The following LMO4 variants were observed in gnomAD, a reference collection of about 807,000 sequenced individuals.
LMO4 encodes the protein LIM domain only 4.
Under a neutral mutation model 18.5 loss-of-function variants are expected in LMO4, and 3 were observed. The observed-to-expected ratio is 0.16, with a 90% CI of 0.07 to 0.42. The LOEUF is 0.42. Ranked by LOEUF, LMO4 falls within the 10% of genes least tolerant of loss-of-function variation. The pLI, the probability that LMO4 is intolerant of heterozygous loss-of-function variation, is 0.99. For missense variants in LMO4, 121 were observed against 219.9 expected (o/e 0.55, Z 2.84); for synonymous variants, 100 against 88.1 (o/e 1.14, Z -0.76).
At chr1:87,344,427 G>A (rs1433318059) in intron 4 of LMO4, among the ~76,000 whole-genome samples, 1 of 152,190 alleles carries the variant, frequency 6.6e-6, no homozygotes, top group Non-Finnish European at 1.5e-5. Context: ...ACTTGTCTTG[G>A]AATGTCCCCG....
At chr1:87,336,295 C>G (rs1650311296) in intron 2 of LMO4, among the ~76,000 whole-genome samples, 1 of 152,166 alleles carries the variant, frequency 6.6e-6, no homozygotes, top group South Asian at 2.1e-4. Flanking sequence ...TATTTACTTG[C>G]AGGTACAAAT....
intron 1 of LMO4, among the ~76,000 whole-genome samples, chr1:87,330,847 C>T (rs1466100604): frequency 6.6e-6 from 1 of 152,160 alleles, no homozygotes; most frequent in Non-Finnish European, 1.5e-5. Context: ...AACACTAGGA[C>T]TTTATTGGAC....
intron 4 of LMO4, among the ~76,000 whole-genome samples, chr1:87,342,452 G>A (rs1035604151): frequency 6.6e-6 from 1 of 152,064 alleles, no homozygotes; most frequent in Non-Finnish European, 1.5e-5. Flanking sequence ...CAGTGGTAGG[G>A]TATTCATTTT....
At chr1:87,329,937 A>G (rs922278281) in intron 1 of LMO4, among the ~76,000 whole-genome samples, 4 of 151,692 alleles carry the variant, frequency 2.6e-5, no homozygotes, top group South Asian at 2.1e-4. Flanking sequence ...TTCACTGACT[A>G]TCCCAGGACC....
At chr1:87,333,148 T>G (rs1048731375) in intron 2 of LMO4, among the ~76,000 whole-genome samples, 1 of 152,232 alleles carries the variant, frequency 6.6e-6, no homozygotes, top group African/African-American at 2.4e-5. Flanking sequence ...GGAGGTCAGG[T>G]GCCTATAGGA....
chr1:87,336,674 G>C (rs1260958777), intron 2 of LMO4, among the ~76,000 whole-genome samples: 1 of 152,162 alleles, frequency 6.6e-6, no homozygotes, highest in Non-Finnish European at 1.5e-5. Flanking sequence ...TGATGTTTGT[G>C]ATTGATTGCA....
rs1650703485 is a variant in LMO4, at chr1:87,348,645, G to C, written c.*3849G>C. The stretch of plus-strand genomic sequence containing the variant: ...TCTGCTCCCATCGTGAACATGCTGA[G>C]AGCAATGACAAGTCAGGGCTGATTT... On this transcript the variant is annotated 3_prime_UTR_variant, in exon 5 of 5. Transcript: ENST00000370544. 2.1e-6 allele frequency: 1 copy of C among 469,140 alleles called. No individual in the cohort carries two copies. The highest frequency in any genetic ancestry group is 4.3e-6 in the Non-Finnish European group (1 of 233,420). The allele number at this position is 469,140 out of a possible 1,614,324, so 29.1% of individuals were successfully genotyped here.
chr1:87,337,831 CA>C (rs1206647119), intron 2 of LMO4, among the ~76,000 whole-genome samples: 4 of 152,142 alleles, frequency 2.6e-5, no homozygotes, highest in African/African-American at 9.7e-5. Flanking sequence ...CTGAAGTGTC[CA>C]GCATTAGGAG....
Position 87,340,131 on chromosome 1 carries a change from G to C in LMO4, c.418G>C (p.Asp140His), listed in dbSNP as rs1202208225. Residue 140 changes from aspartate to histidine, a missense_variant, in exon 4 of 5, where the codon GAT (aspartate) becomes CAT (histidine). Physicochemically the swap from Asp to His is moderately conservative, Grantham distance 81. Transcript: ENST00000370544. Reference sequence around the variant, plus strand: ...CAATGGCAGTTTATTTTGTGAACATGATAGACCTACAGCTCTCATCAATGG... The same window carrying C: ...CAATGGCAGTTTATTTTGTGAACATCATAGACCTACAGCTCTCATCAATGG... ...YINGSLFCEH[D>H]RPTALINGHL... 1 of 1,614,002 alleles carries C rather than the reference G, an allele frequency of 6.2e-7. No individual in the cohort carries two copies.
At position 87,332,045 on chromosome 1, in the gene LMO4, G is replaced by C; in HGVS notation, c.30G>C (p.Pro10=). The change falls in exon 2 of 5, where the codon CCG becomes CCC. Residue 10 remains proline (P), a synonymous_variant. Transcript: ENST00000370544. ...TGAATCCGGGCAGCAGCTCGCAGCC[G>C]CCCCCGGTGACGGCCGGCTCCCTCT... is the stretch of plus-strand genomic sequence containing the variant. MVNPGSSSQ[P]PPVTAGSLSW... The C allele has an allele frequency of 6.2e-7, 1 of 1,612,920 alleles. No individual in the cohort carries two copies. Among genetic ancestry groups the C allele is most frequent in the Non-Finnish European group, 8.5e-7 (1 of 1,179,872 alleles).
intron 2 of LMO4, among the ~76,000 whole-genome samples, chr1:87,337,859 C>A (rs1032592998): frequency 1.3e-5 from 2 of 151,020 alleles, no homozygotes; most frequent in Non-Finnish European, 2.9e-5. Context: ...GCCCAGAGGC[C>A]CCCCAAGCTC....
intron 2 of LMO4, among the ~76,000 whole-genome samples, chr1:87,337,273 C>G (rs1557614774): frequency 6.6e-6 from 1 of 152,070 alleles, no homozygotes; most frequent in Non-Finnish European, 1.5e-5. Context: ...GATAGCAGCC[C>G]TGGAAAAAAA....
At chr1:87,335,472 A>C (rs1650279409) in intron 2 of LMO4, among the ~76,000 whole-genome samples, 1 of 151,766 alleles carries the variant, frequency 6.6e-6, no homozygotes, top group South Asian at 2.1e-4. Flanking sequence ...GGGCGAGCGC[A>C]GGGCGGGAGC....
At chr1:87,336,709 G>T (rs1380523365) in intron 2 of LMO4, among the ~76,000 whole-genome samples, 2 of 152,078 alleles carry the variant, frequency 1.3e-5, no homozygotes, top group African/African-American at 4.8e-5. Context: ...AAATATTAAC[G>T]ACCTTCTTGG....
intron 4 of LMO4, among the ~76,000 whole-genome samples, chr1:87,344,354 T>G (rs1208470313): frequency 6.6e-6 from 1 of 152,174 alleles, no homozygotes; most frequent in Non-Finnish European, 1.5e-5. Flanking sequence ...ACACAAGCAG[T>G]TTAAGCAACA....
In LMO4 at chr1:87,346,519, C is replaced by T. The variant is rs1174923960; in HGVS notation, c.*1723C>T. 6.6e-6 allele frequency: 1 copy of T among 152,118 alleles called. No homozygotes were observed. The highest frequency in any genetic ancestry group is 1.5e-5 in the Non-Finnish European group (1 of 68,036). 9.4% of individuals were successfully genotyped at this position (152,118 alleles called of 1,614,324 possible). ...GGCATTTTATTTTGTTCCAGAAAAG[C>T]GCCTGATGTAGACCCTCCCTCTGAG... is the stretch of plus-strand genomic sequence containing the variant. On this transcript the variant is annotated 3_prime_UTR_variant, in exon 5 of 5. Transcript: ENST00000370544.
intron 4 of LMO4, among the ~76,000 whole-genome samples, chr1:87,342,202 A>G (rs1172660502): frequency 6.6e-6 from 1 of 152,202 alleles, no homozygotes; most frequent in Non-Finnish European, 1.5e-5. Context: ...GATGAGATGG[A>G]AAATGTTGCT....
intron 4 of LMO4, among the ~76,000 whole-genome samples, chr1:87,341,010 C>G (rs1299932136): frequency 6.6e-6 from 1 of 152,168 alleles, no homozygotes; most frequent in Non-Finnish European, 1.5e-5. Flanking sequence ...ATTTTAATCT[C>G]CTTAATAAGT....
At chr1:87,333,486 A>T (rs1650209726) in intron 2 of LMO4, among the ~76,000 whole-genome samples, 1 of 152,180 alleles carries the variant, frequency 6.6e-6, no homozygotes, top group African/African-American at 2.4e-5. Flanking sequence ...CTCCATTGTG[A>T]TTCGCCTTAT....
Sources: allele counts gnomAD v4.1 joint callset (sites outside exome capture counted in the v4.1 genomes callset), GRCh38; gene constraint gnomAD v4.1.1; transcripts MANE v1.5; gene names NCBI Gene and HGNC (gene_info 2026-07-23, HGNC 2026-07-21).